The following ERMP1 variants were observed in gnomAD, a reference collection of about 807,000 sequenced individuals.
ERMP1 encodes endoplasmic reticulum metallopeptidase 1.
Under a neutral mutation model 92.0 loss-of-function variants are expected in ERMP1, and 86 were observed. The observed-to-expected ratio is 0.93, with a 90% CI of 0.79 to 1.12. ERMP1 has a LOEUF of 1.12. Ranked by LOEUF, ERMP1 falls within the 50% of genes most tolerant of loss-of-function variation. The probability of loss-of-function intolerance (pLI) is 0.00; values close to 1 mark genes in which losing one functional copy is unlikely to be tolerated. For synonymous variants in ERMP1, 530 were observed against 412.8 expected (o/e 1.28, Z -3.44); for missense variants, 1,342 against 1,116.3 (o/e 1.20, Z -2.88).
intron 6 of ERMP1, among the ~76,000 whole-genome samples, chr9:5,852,541 C>T (rs952474260): frequency 1.3e-5 from 2 of 151,802 alleles, no homozygotes; most frequent in African/African-American, 2.4e-5. Flanking sequence ...CAGGTGTGAA[C>T]CACTGTACCC....
chr9:5,852,722 T>C (rs555197620), intron 6 of ERMP1, among the ~76,000 whole-genome samples: 96 of 152,248 alleles, frequency 6.3e-4, no homozygotes, highest in African/African-American at 2.1e-3. Context: ...AGCTATCTAT[T>C]TTTTTAACCT....
chr9:5,790,190 T>C (rs1828123981), intron 13 of ERMP1, among the ~76,000 whole-genome samples: 1 of 149,830 alleles, frequency 6.7e-6, no homozygotes, highest in Admixed American at 6.6e-5. Flanking sequence ...TTTTTTTTTT[T>C]TTCCCCTGAG....
chr9:5,828,448 T>C (rs1313152715), intron 2 of ERMP1, among the ~76,000 whole-genome samples: 1 of 152,218 alleles, frequency 6.6e-6, no homozygotes, highest in Non-Finnish European at 1.5e-5. Flanking sequence ...AAGACAACTT[T>C]AAACTTTTGG....
intron 2 of ERMP1, 40 bp downstream of exon 2, chr9:5,830,687 G>A (rs1303008584): frequency 6.6e-7 from 1 of 1,520,624 alleles, no homozygotes. Flanking sequence ...AACTTTCTGG[G>A]CTGTGACAAG....
chr9:5,785,944 G>A lies in ERMP1; in HGVS notation c.*1200C>T, dbSNP rs1401231963. 2 of 152,228 alleles carry A rather than the reference G, an allele frequency of 1.3e-5. No homozygotes were observed. The highest frequency in any genetic ancestry group is 2.1e-4 in the South Asian group (1 of 4,834). 9.4% of individuals were successfully genotyped at this position (152,228 alleles called of 1,614,324 possible). A position where few individuals can be genotyped will look rare whatever the true frequency, so the allele number is the denominator to read the frequency against. On this transcript the variant is annotated 3_prime_UTR_variant, in exon 15 of 15. Coordinates refer to ENST00000339450, the MANE Select transcript of ERMP1 (RefSeq NM_024896.3). The stretch of plus-strand genomic sequence containing the variant: ...CCAAAAAGCCATGAGAGGTACTGCT[G>A]TGATACACCTTACAAGCTACATAGC...
Position 5,785,965 on chromosome 9 carries a change from A to AT in ERMP1, c.*1178dup, listed in dbSNP as rs1472290242. 1 of 152,282 alleles carries AT rather than the reference A, an allele frequency of 6.6e-6. No homozygotes were observed. Among genetic ancestry groups the AT allele is most frequent in the African/African-American group, 2.4e-5 (1 of 41,468 alleles). The allele number at this position is 152,282 out of a possible 1,614,324, so 9.4% of individuals were successfully genotyped here. A position where few individuals can be genotyped will look rare whatever the true frequency, so the allele number is the denominator to read the frequency against. ...TGCTGTGATACACCTTACAAGCTAC[A>AT]TAGCCATCTTCAAAATGAAAACCAC... On this transcript the variant is annotated 3_prime_UTR_variant, in exon 15 of 15. Transcript: ENST00000339450.
chr9:5,791,339 TTCCCTC>T (rs965741389), intron 13 of ERMP1: 1 of 455,494 alleles, frequency 2.2e-6, no homozygotes, highest in African/African-American at 2.0e-5. Flanking sequence ...GAATTCCCCA[TTCCCTC>T]TCCTTGGGGA....
At chr9:5,843,094 G>C (rs1475438429) in intron 6 of ERMP1, among the ~76,000 whole-genome samples, 1 of 152,212 alleles carries the variant, frequency 6.6e-6, no homozygotes, top group African/African-American at 2.4e-5. Context: ...CTTATTTAGG[G>C]AACAGAAAAG....
chr9:5,840,340 G>A (rs1025756094), intron 6 of ERMP1, among the ~76,000 whole-genome samples: 3 of 152,168 alleles, frequency 2.0e-5, no homozygotes, highest in African/African-American at 7.2e-5. Context: ...AACTCTAGAG[G>A]TAGGATCCTG....
At chr9:5,833,153 T>C (rs2129711502), upstream of ERMP1, 1 of 869,788 alleles carries the variant, frequency 1.1e-6, no homozygotes, top group Non-Finnish European at 1.6e-6. Context: ...GCCAAACTTC[T>C]TCTGATTGGC....
At chr9:5,797,432 G>C (rs969678609) in intron 13 of ERMP1, among the ~76,000 whole-genome samples, 1 of 151,988 alleles carries the variant, frequency 6.6e-6, no homozygotes, top group Non-Finnish European at 1.5e-5. Context: ...GGCAGACCAT[G>C]AGGTCAGGAG....
At chr9:5,820,083 G>T (rs1487468988) in intron 4 of ERMP1, among the ~76,000 whole-genome samples, 2 of 152,164 alleles carry the variant, frequency 1.3e-5, no homozygotes, top group Non-Finnish European at 2.9e-5. Context: ...CCGATCACCT[G>T]AGCTCAGGAG....
In ERMP1 at chr9:5,832,892, C is replaced by A. The variant is rs1220842866; in HGVS notation, c.136G>T (p.Gly46Cys). The change falls in exon 1 of 15, where the codon GGC becomes TGC. Residue 46 changes from glycine (G) to cysteine (C), a missense_variant. Physicochemically the swap from Gly to Cys is radical, Grantham distance 159. Coordinates refer to ENST00000339450, the MANE Select transcript of ERMP1 (RefSeq NM_024896.3). ...GGGCTCCTCTTCCGCGTCCTCCCGC[C>A]GCCGCTGCACCCATCCACCAGAGGC... Reference protein sequence around the residue: ...QEPLVDGCSGGGRTRKRSPGG... With the variant: ...QEPLVDGCSGCGRTRKRSPGG... 10 of 1,542,642 alleles carry A rather than the reference C, an allele frequency of 6.5e-6. No individual in the cohort carries two copies. In the South Asian group the frequency reaches 9.5e-5, roughly 15 times the overall value.
At chr9:5,822,251 C>T (rs1396659328) in intron 4 of ERMP1, among the ~76,000 whole-genome samples, 1 of 151,874 alleles carries the variant, frequency 6.6e-6, no homozygotes, top group Non-Finnish European at 1.5e-5. Flanking sequence ...GACCCTGCTT[C>T]AAAATAAATA....
chr9:5,863,369 A>T (rs993225906), intron 5 of ERMP1, among the ~76,000 whole-genome samples: 10 of 152,202 alleles, frequency 6.6e-5, no homozygotes, highest in African/African-American at 2.4e-4. Context: ...TCACCACAAC[A>T]TTCTTATGTC....
At chr9:5,811,670 G>C (rs1829101039) in intron 6 of ERMP1, among the ~76,000 whole-genome samples, 1 of 151,994 alleles carries the variant, frequency 6.6e-6, no homozygotes, top group Non-Finnish European at 1.5e-5. Context: ...GCTGTTTCTT[G>C]GTACCCATTC....
intron 13 of ERMP1, among the ~76,000 whole-genome samples, chr9:5,790,241 G>A (rs1460909914): frequency 2.7e-5 from 4 of 148,048 alleles, no homozygotes; most frequent in African/African-American, 7.5e-5. Flanking sequence ...GCGCAGTGGC[G>A]CAATTTCAGC....
At chr9:5,801,355 A>G in intron 10 of ERMP1, 27 bp from the exon 11 acceptor site, 1 of 1,596,216 alleles carries the variant, frequency 6.3e-7, no homozygotes, top group African/African-American at 1.3e-5. Flanking sequence ...AAACACAGAA[A>G]TATTACAAAT....
At position 5,812,258 on chromosome 9, in the gene ERMP1, A is replaced by G. The variant is rs1829126627; in HGVS notation, c.1022-41T>C. ...AGAAAAAAAAAAGTCATTTTGCTTT[A>G]AAGATCAACCTTGCTTTCGACCTAT... On this transcript the variant is annotated intron_variant, in intron 5 of 14. Transcript: ENST00000339450. The G allele has an allele frequency of 2.4e-6, 3 of 1,251,902 alleles. No individual in the cohort carries two copies. The African/African-American group carries it at 4.5e-5, about 19-fold the overall frequency. 77.5% of individuals were successfully genotyped at this position (1,251,902 alleles called of 1,614,324 possible).
Sources: allele counts gnomAD v4.1 joint callset (sites outside exome capture counted in the v4.1 genomes callset), GRCh38; gene constraint gnomAD v4.1.1; transcripts MANE v1.5; gene names NCBI Gene and HGNC (gene_info 2026-07-23, HGNC 2026-07-21).